The following FER1L6 variants were observed in gnomAD, a reference collection of about 807,000 sequenced individuals.
FER1L6 encodes the protein fer-1-like protein 6.
Under a neutral mutation model 219.2 loss-of-function variants are expected in FER1L6, and 177 were observed. The observed-to-expected ratio is 0.81, with a 90% CI of 0.71 to 0.91. The LOEUF (loss-of-function observed/expected upper bound fraction) is 0.91, where lower values mean the gene tolerates loss of function less well. FER1L6 is among the 40% of genes least tolerant of loss of function. FER1L6 has a pLI of 0.00. For synonymous variants in FER1L6, 768 were observed against 824.3 expected (o/e 0.93, Z 1.17); for missense variants, 2,153 against 2,259.9 (o/e 0.95, Z 0.96).
intron 39 of FER1L6, among the ~76,000 whole-genome samples, chr8:124,109,688 G>T (rs1313027105): frequency 6.6e-6 from 1 of 152,080 alleles, no homozygotes; most frequent in Non-Finnish European, 1.5e-5. Flanking sequence ...TGATCATGTT[G>T]CTCCTTCAGC....
intron 1 of FER1L6, among the ~76,000 whole-genome samples, chr8:123,938,540 AATTTT>A (rs1340608455): frequency 2.5e-5 from 3 of 118,888 alleles, no homozygotes; most frequent in African/African-American, 9.8e-5. Flanking sequence ...ATTTACCTGA[AATTTT>A]TTTTTTTTTT....
At chr8:123,958,984 C>A (rs1483820073) in intron 2 of FER1L6, among the ~76,000 whole-genome samples, 8 of 151,936 alleles carry the variant, frequency 5.3e-5, no homozygotes, top group Admixed American at 3.3e-4. Context: ...TAAGCGTGGG[C>A]AGAACCAGAT....
intron 9 of FER1L6, among the ~76,000 whole-genome samples, chr8:123,976,342 AAC>A (rs756592660): frequency 6.6e-6 from 1 of 152,012 alleles, no homozygotes; most frequent in Non-Finnish European, 1.5e-5. Flanking sequence ...CTCAACTAAA[AAC>A]ACACAAAAAA....
intron 18 of FER1L6, among the ~76,000 whole-genome samples, chr8:124,034,373 G>A (rs1819109573): frequency 6.6e-6 from 1 of 152,084 alleles, no homozygotes; most frequent in East Asian, 1.9e-4. Context: ...AGAAATAAAG[G>A]AGCCACACTG....
intron 1 of FER1L6, among the ~76,000 whole-genome samples, chr8:123,932,686 T>C (rs552881870): frequency 6.6e-6 from 1 of 152,266 alleles, no homozygotes; most frequent in African/African-American, 2.4e-5. Context: ...GCAAGTACAA[T>C]AGGAACCTGG....
chr8:123,887,555 G>A (rs1817226741), intron 1 of FER1L6, among the ~76,000 whole-genome samples: 1 of 152,178 alleles, frequency 6.6e-6, no homozygotes, highest in Non-Finnish European at 1.5e-5. Context: ...GTCCTTTGTG[G>A]GCCCTGACAG....
intron 2 of FER1L6, among the ~76,000 whole-genome samples, chr8:123,959,067 C>T (rs533083289): frequency 1.3e-5 from 2 of 152,122 alleles, no homozygotes; most frequent in East Asian, 1.9e-4. Context: ...GCCATTGAGG[C>T]GTTTTAAGAA....
chr8:123,924,407 C>T (rs376262360), intron 1 of FER1L6, among the ~76,000 whole-genome samples: 3 of 150,116 alleles, frequency 2.0e-5, no homozygotes, highest in East Asian at 2.0e-4. Flanking sequence ...CCGGGCATGG[C>T]GGCAGATGCC....
At chr8:124,075,299 G>A (rs1821231948) in intron 31 of FER1L6, among the ~76,000 whole-genome samples, 1 of 58,372 alleles carries the variant, frequency 1.7e-5, no homozygotes, top group South Asian at 4.6e-4. Context: ...TTTTAAAATT[G>A]TTTTATTTTT....
intron 16 of FER1L6, among the ~76,000 whole-genome samples, chr8:124,020,909 C>A (rs1389262453): frequency 2.6e-5 from 4 of 152,162 alleles, no homozygotes; most frequent in Non-Finnish European, 5.9e-5. Context: ...TGTTCTCACA[C>A]TGCTAATAAA....
At chr8:124,009,187 G>A (rs1817800066) in intron 13 of FER1L6, among the ~76,000 whole-genome samples, 1 of 152,158 alleles carries the variant, frequency 6.6e-6, no homozygotes, top group African/African-American at 2.4e-5. Flanking sequence ...TTTTCTTCCT[G>A]TTTTCCCTCT....
In FER1L6 at chr8:123,994,648, G is replaced by A. The variant is rs373975200; in HGVS notation, c.1519+8472G>A. ...AGGCCACACACCTCCCAGTTCACCC[G>A]CAAAACCCAGGCTCCCAGCTCTAGC... is the stretch of plus-strand genomic sequence containing the variant. On this transcript the variant is annotated intron_variant, in intron 12 of 40. Transcript: ENST00000522917. Among the ~76,000 whole-genome samples the A allele has an allele frequency of 3.1e-4, 47 of 152,242 alleles. No homozygotes were observed. The South Asian group carries it at 7.0e-3, about 23-fold the overall frequency.
chr8:123,994,784 A>G (rs1382769479), intron 12 of FER1L6, among the ~76,000 whole-genome samples: 2 of 152,224 alleles, frequency 1.3e-5, no homozygotes, highest in Admixed American at 6.5e-5. Flanking sequence ...TAAACCTGCA[A>G]CCATCACCTG....
intron 1 of FER1L6, among the ~76,000 whole-genome samples, chr8:123,885,228 G>A (rs985350346): frequency 2.4e-4 from 37 of 152,158 alleles, no homozygotes; most frequent in African/African-American, 8.9e-4. Context: ...GTTGGTTTAG[G>A]CCATGCTGTT....
intron 1 of FER1L6, among the ~76,000 whole-genome samples, chr8:123,938,211 A>G (rs1181382660): frequency 6.6e-6 from 1 of 152,180 alleles, no homozygotes; most frequent in African/African-American, 2.4e-5. Context: ...CTTTCAGATA[A>G]CTCTCACCTA....
At chr8:124,043,817 G>C (rs562471507) in intron 20 of FER1L6, among the ~76,000 whole-genome samples, 1 of 152,320 alleles carries the variant, frequency 6.6e-6, no homozygotes, top group African/African-American at 2.4e-5. Context: ...GAGAATGTAT[G>C]TTTGTTTGGG....
chr8:123,899,930 G>T (rs1158984751), intron 1 of FER1L6, among the ~76,000 whole-genome samples: 1 of 152,156 alleles, frequency 6.6e-6, no homozygotes, highest in Non-Finnish European at 1.5e-5. Flanking sequence ...CAGGTAGTGT[G>T]ATGCCTCCAG....
Position 123,986,038 on chromosome 8 carries a change from C to T in FER1L6, c.1411-30C>T, listed in dbSNP as rs1217208480. 1.5e-6 allele frequency: 2 copies of T among 1,301,360 alleles called. 1 individual carries two copies. The highest frequency in any genetic ancestry group is 4.6e-5 in the East Asian group (2 of 43,430). 80.6% of individuals were successfully genotyped at this position (1,301,360 alleles called of 1,614,324 possible). ...TTCCTAATGAGAGAAAAAGCCAGTT[C>T]TGCCTAATAATTTTGTTTTCTTTCT... On this transcript the variant is annotated intron_variant, in intron 11 of 40. Transcript: ENST00000522917.
chr8:124,077,801 TGGATATGTGTTTAATTTTTACTTA>T (rs1385496190), intron 32 of FER1L6, among the ~76,000 whole-genome samples: 2 of 152,198 alleles, frequency 1.3e-5, no homozygotes, highest in Non-Finnish European at 2.9e-5. Context: ...GATGTTTAGT[TGGATATGTGTTTAATTTTTACTTA>T]GGAACAAAAG....
Sources: gnomAD v4.1 joint callset for allele counts (sites outside exome capture counted in the v4.1 genomes callset) on GRCh38, gnomAD v4.1.1 for gene constraint, MANE v1.5 for transcripts, NCBI Gene and HGNC (gene_info 2026-07-23, HGNC 2026-07-21) for gene names.